CYP4F12: variants seen among roughly 807,000 people sequenced by gnomAD.
The protein encoded by CYP4F12 is cytochrome P450 family 4 subfamily F member 12.
Under a neutral mutation model 56.5 loss-of-function variants are expected in CYP4F12, and 60 were observed. The ratio of observed to expected loss-of-function variants is 1.06; its 90% CI spans 0.86 to 1.32. The LOEUF is 1.32. Among genes scored for constraint, CYP4F12 ranks in the 40% most tolerant of loss-of-function variants. The pLI is 0.00. For missense variants in CYP4F12, 711 were observed against 683.5 expected (o/e 1.04, Z -0.45); for synonymous variants, 263 against 264.9 (o/e 0.99, Z 0.07).
chr19:15,675,666 T>A (rs1442433555), intron 2 of CYP4F12, among the ~76,000 whole-genome samples: 3 of 152,174 alleles, frequency 2.0e-5, no homozygotes, highest in African/African-American at 4.8e-5. Flanking sequence ...TACCCTTGGA[T>A]CTTGGGGACA....
rs2007207103 is a variant in CYP4F12 at position 15,680,230 on chromosome 19, C to G, written c.344-14C>G. 1 of 1,589,004 alleles carries G rather than the reference C, an allele frequency of 6.3e-7. No individual in the cohort carries two copies. The highest frequency in any genetic ancestry group is 1.7e-5 in the Admixed American group (1 of 57,660). ...GCCCTCTACATGGCCCCTGATGGTCCTCGTTCATGTCAGCTGCCATTGCAC... is the reference window on the plus strand; with the variant it reads ...GCCCTCTACATGGCCCCTGATGGTCGTCGTTCATGTCAGCTGCCATTGCAC... On this transcript the variant is annotated splice_polypyrimidine_tract_variant and intron_variant, in intron 3 of 12. Transcript: ENST00000550308.
rs774844073 is a variant in CYP4F12 at position 15,673,669 on chromosome 19, G to A, written c.140G>A (p.Arg47Gln). Residue 47 changes from arginine (R) to glutamine (Q), a missense_variant, in exon 2 of 13, where the codon CGG becomes CAG. Coordinates refer to ENST00000550308, the MANE Select transcript of CYP4F12 (RefSeq NM_023944.4). The stretch of plus-strand genomic sequence containing the variant: ...TATGCCTTCTATAACAACTGCCGCC[G>A]GCTCCAGTGTTTCCCACAGCCCCCA... ...WTYAFYNNCR[R>Q]LQCFPQPPKR... is the part of the protein sequence containing the mutation. 1.1e-5 allele frequency: 17 copies of A among 1,614,002 alleles called. No homozygotes were observed. The highest frequency in any genetic ancestry group is 4.4e-5 in the South Asian group (4 of 91,082).
In CYP4F12 at chr19:15,697,063, C is replaced by A. The variant is rs865887275; in HGVS notation, c.1553C>A (p.Pro518His). The change falls in exon 13 of 13, where the codon CCC becomes CAC. Residue 518 changes from proline to histidine, a missense_variant. Transcript: ENST00000550308. The part of the protein sequence containing the change: ...AEGGLWLRVE[P>H]LNVSLQ ...GGCGGGCTTTGGCTGCGGGTGGAGC[C>A]CCTGAATGTAAGCTTGCAGTGACTT... 2 of 1,613,808 alleles carry A rather than the reference C, an allele frequency of 1.2e-6. No homozygotes were observed. Among genetic ancestry groups the A allele is most frequent in the Non-Finnish European group, 1.7e-6 (2 of 1,179,754 alleles).
At chr19:15,690,275 G>A (rs1409448588) in intron 9 of CYP4F12, among the ~76,000 whole-genome samples, 2 of 152,246 alleles carry the variant, frequency 1.3e-5, no homozygotes, top group African/African-American at 2.4e-5. Context: ...TGTATACAAC[G>A]TGGAATGATT....
intron 5 of CYP4F12, chr19:15,680,941 C>A (rs1335156412): frequency 9.7e-6 from 3 of 308,192 alleles, no homozygotes; most frequent in African/African-American, 2.2e-5. Flanking sequence ...GGTCGGGGGG[C>A]AGCTTTGCTG....
intron 2 of CYP4F12, among the ~76,000 whole-genome samples, chr19:15,676,025 C>T (rs911625849): frequency 2.6e-5 from 4 of 152,144 alleles, no homozygotes; most frequent in African/African-American, 7.2e-5. Context: ...GTAAATTCAG[C>T]CTGAGTCCAG....
At chr19:15,689,298 AG>A (rs548008101) in intron 9 of CYP4F12, among the ~76,000 whole-genome samples, 1,613 of 152,288 alleles carry the variant, frequency 0.011, 26 homozygotes, top group African/African-American at 0.037. Context: ...AAGTGGGCAA[AG>A]GGCATGAACA....
chr19:15,683,620 G>C lies in CYP4F12; in HGVS notation c.775G>C (p.Ala259Pro), dbSNP rs377135867. Reference protein sequence around the residue: ...LSHDGRRFHRACRLVHDFTDA... With the variant: ...LSHDGRRFHRPCRLVHDFTDA... ...CCATGACGGGCGGCGCTTCCACAGGGCCTGCCGCCTGGTGCATGACTTCAC... is the reference window on the plus strand; with the variant it reads ...CCATGACGGGCGGCGCTTCCACAGGCCCTGCCGCCTGGTGCATGACTTCAC... Residue 259 changes from alanine to proline, a missense_variant, in exon 7 of 13, where the codon GCC (alanine) becomes CCC (proline). Coordinates refer to ENST00000550308, the MANE Select transcript of CYP4F12 (RefSeq NM_023944.4). 6.2e-7 allele frequency: 1 copy of C among 1,614,180 alleles called. No individual in the cohort carries two copies. Among genetic ancestry groups the C allele is most frequent in the South Asian group, 1.1e-5 (1 of 91,086 alleles).
At position 15,680,259 on chromosome 19, in the gene CYP4F12, A is replaced by C. The variant is rs757086859; in HGVS notation, c.359A>C (p.Lys120Thr). ...ITNASAAIAP[K>T]DNLFIRFLKP... is the part of the protein sequence containing the mutation. ...TTCATGTCAGCTGCCATTGCACCCA[A>C]GGATAATCTCTTCATCAGGTTCCTG... Residue 120 changes from lysine to threonine, a missense_variant, in exon 4 of 13, where the codon AAG becomes ACG. By Grantham distance (78) the Lys-to-Thr change is moderately conservative. Coordinates refer to ENST00000550308, the MANE Select transcript of CYP4F12 (RefSeq NM_023944.4). The C allele has an allele frequency of 6.2e-7, 1 of 1,606,974 alleles. No homozygotes were observed. The highest frequency in any genetic ancestry group is 1.1e-5 in the South Asian group (1 of 89,904).
At position 15,673,597 on chromosome 19, in the gene CYP4F12, T is replaced by C. The variant is rs747305906; in HGVS notation, c.68T>C (p.Leu23Pro). ...GCAACGTCCCCATGGCTACTCCTGC[T>C]GCTGGTTGTGGGCTCCTGGCTACTC... ...PVATSPWLLL[L>P]LVVGSWLLAR... Residue 23 changes from leucine to proline, a missense_variant, in exon 2 of 13, where the codon CTG becomes CCG. Coordinates refer to ENST00000550308, the MANE Select transcript of CYP4F12 (RefSeq NM_023944.4). 2.6e-5 allele frequency: 42 copies of C among 1,614,002 alleles called. 1 individual carries two copies. In the South Asian group the frequency reaches 4.5e-4, roughly 17 times the overall value.
intron 9 of CYP4F12, among the ~76,000 whole-genome samples, chr19:15,693,696 G>C (rs546437027): frequency 2.1e-3 from 321 of 150,920 alleles, no homozygotes; most frequent in African/African-American, 7.4e-3. Flanking sequence ...AGTTTAATTA[G>C]ATCCCATTTG....
intron 7 of CYP4F12, 136 bp downstream of exon 7, chr19:15,683,899 G>A (rs1156637537): frequency 8.4e-7 from 1 of 1,186,924 alleles, no homozygotes; most frequent in Non-Finnish European, 1.2e-6. Flanking sequence ...TCACAGATAG[G>A]TTTTAGAGAT....
Position 15,680,488 on chromosome 19 carries a change from C to A in CYP4F12, c.494C>A (p.Thr165Lys), listed in dbSNP as rs556006739. ...FHFNILKSYI[T>K]IFNKSANIML... The stretch of plus-strand genomic sequence containing the variant: ...TTCAACATCCTGAAGTCCTATATAA[C>A]GATCTTCAACAAGAGTGCAAACATC... Residue 165 changes from threonine to lysine, a missense_variant, in exon 5 of 13, where the codon ACG (threonine) becomes AAG (lysine). By Grantham distance (78) the Thr-to-Lys change is moderately conservative (BLOSUM62 -1). Coordinates refer to ENST00000550308, the MANE Select transcript of CYP4F12 (RefSeq NM_023944.4). 24 of 1,614,174 alleles carry A rather than the reference C, an allele frequency of 1.5e-5. No individual in the cohort carries two copies. Among genetic ancestry groups the A allele is most frequent in the Non-Finnish European group, 1.7e-5 (20 of 1,180,034 alleles).
chr19:15,696,202 C>T lies in CYP4F12; in HGVS notation c.1291C>T (p.Pro431Ser). Residue 431 changes from proline to serine, a missense_variant, in exon 11 of 13, where the codon CCA (proline) becomes TCA (serine). Pro to Ser is a moderately conservative substitution (Grantham distance 74). Transcript: ENST00000550308. Reference protein sequence around the residue: ...LIDIIGVHHNPTVWPDPEVYD... With the variant: ...LIDIIGVHHNSTVWPDPEVYD... ...CGATATTATAGGGGTCCATCACAACCCAACTGTGTGGCCGGATCCTGAGGT... is the reference window on the plus strand; with the variant it reads ...CGATATTATAGGGGTCCATCACAACTCAACTGTGTGGCCGGATCCTGAGGT... The T allele has an allele frequency of 6.2e-7, 1 of 1,614,134 alleles. No homozygotes were observed. The highest frequency in any genetic ancestry group is 8.5e-7 in the Non-Finnish European group (1 of 1,180,000).
rs1035804274 is a variant in CYP4F12, at chr19:15,687,270, C to G, written c.1115+2073C>G. On this transcript the variant is annotated intron_variant, in intron 9 of 12. Transcript: ENST00000550308. ...CCAGCCTGGGCAACAGAGTGAGACT[C>G]TTTCTCAAAAAAAAAAAAAAAAGAG... Among the ~76,000 whole-genome samples, 125 of 64,822 alleles carry G rather than the reference C, an allele frequency of 1.9e-3. 1 individual carries two copies. The highest frequency in any genetic ancestry group is 8.2e-3 in the African/African-American group (119 of 14,562). The allele number at this position is 64,822 out of a possible 152,430, so 42.5% of individuals were successfully genotyped here.
At chr19:15,677,442 A>C (rs373361689) in intron 2 of CYP4F12, among the ~76,000 whole-genome samples, 8 of 2,650 alleles carry the variant, frequency 3.0e-3, no homozygotes, top group South Asian at 0.011. Flanking sequence ...TCATTCCTTT[A>C]CCCACTCACT....
chr19:15,683,461 T>C (rs1374763062), intron 6 of CYP4F12, 32 bp from the exon 7 acceptor site: 5 of 1,554,010 alleles, frequency 3.2e-6, no homozygotes, highest in Admixed American at 2.0e-5. Context: ...ATACGTTACA[T>C]TGTTGCCTCC....
At chr19:15,684,756 T>TTTTG in intron 7 of CYP4F12, 60 bp from the exon 8 acceptor site, 9 of 1,042,944 alleles carry the variant, frequency 8.6e-6, no homozygotes, top group South Asian at 5.7e-5. Context: ...ATAGTATAAT[T>TTTTG]TGTGTGTGTG....
chr19:15,682,716 AT>A (rs1211191586), intron 6 of CYP4F12, among the ~76,000 whole-genome samples: 1 of 152,232 alleles, frequency 6.6e-6, no homozygotes, highest in Non-Finnish European at 1.5e-5. Context: ...TGAGCCAAGC[AT>A]GTGCAAGAGA....
Sources: allele counts gnomAD v4.1 joint callset (sites outside exome capture counted in the v4.1 genomes callset), GRCh38; gene constraint gnomAD v4.1.1; transcripts MANE v1.5; gene names NCBI Gene and HGNC (gene_info 2026-07-23, HGNC 2026-07-21).